OR4F17: variants seen among roughly 807,000 people sequenced by gnomAD.
OR4F17 encodes the protein olfactory receptor family 4 subfamily F member 17, also known as olfactory receptor 4F17.
For synonymous variants in OR4F17, 1 was observed against 120.7 expected, an observed-to-expected ratio of 0.01 and a Z score of 6.50; for missense variants, 1 against 323.6, an observed-to-expected ratio of 0.00 and a Z score of 7.65.
In OR4F17 at chr19:108,162, A is replaced by G. The variant is rs1478615899; in HGVS notation, c.-55+607A>G. ...ACATATATTATTATATAAAATATGT[A>G]TAATATATATTATATAAATATATTT... is the stretch of plus-strand genomic sequence containing the variant. On this transcript the variant is annotated intron_variant, in intron 2 of 2. Coordinates refer to ENST00000585993, the MANE Select transcript of OR4F17 (RefSeq NM_001005240.3). Among the ~76,000 whole-genome samples, 220 of 80,060 alleles carry G rather than the reference A, an allele frequency of 2.7e-3. 1 individual carries two copies. The highest frequency in any genetic ancestry group is 8.2e-3 in the African/African-American group (198 of 24,152). 52.5% of individuals were successfully genotyped at this position (80,060 alleles called of 152,430 possible). A position where few individuals can be genotyped will look rare whatever the true frequency, so the allele number is the denominator to read the frequency against.
intron 2 of OR4F17, among the ~76,000 whole-genome samples, chr19:109,027 C>A (rs1407568478): frequency 2.0e-5 from 3 of 151,174 alleles, no homozygotes; most frequent in Admixed American, 6.6e-5. Flanking sequence ...CTTTAAAAAA[C>A]AGCAAAAATC....
chr19:108,055 A>AT (rs11384288), intron 2 of OR4F17, among the ~76,000 whole-genome samples: 1 of 108,504 alleles, frequency 9.2e-6, no homozygotes, highest in Non-Finnish European at 1.8e-5. Context: ...ATTTTATTAT[A>AT]AAATATATAT....
chr19:107,756 A>T (rs1968630322), intron 2 of OR4F17, among the ~76,000 whole-genome samples: 1 of 131,470 alleles, frequency 7.6e-6, no homozygotes, highest in African/African-American at 2.9e-5. Flanking sequence ...ATATATATAT[A>T]TATTATATAT....
At chr19:107,981 A>G (rs1301568545) in intron 2 of OR4F17, among the ~76,000 whole-genome samples, 1 of 62,344 alleles carries the variant, frequency 1.6e-5, no homozygotes, top group Non-Finnish European at 2.8e-5. Flanking sequence ...TATATTATAT[A>G]TTATAGAATA....
chr19:109,710 C>A (rs1301418828), intron 2 of OR4F17, among the ~76,000 whole-genome samples: 150 of 137,100 alleles, frequency 1.1e-3, no homozygotes, highest in African/African-American at 3.7e-3. Context: ...CAGATGTGGC[C>A]GTAAGACTGA....
chr19:109,861 C>A (rs1489311481), intron 2 of OR4F17, among the ~76,000 whole-genome samples: 3 of 152,102 alleles, frequency 2.0e-5, no homozygotes, highest in Admixed American at 1.3e-4. Flanking sequence ...TCTTCATTCA[C>A]CCCTTTCCTG....
At chr19:109,569 T>G (rs1968679084) in intron 2 of OR4F17, among the ~76,000 whole-genome samples, 1 of 124,566 alleles carries the variant, frequency 8.0e-6, no homozygotes, top group African/African-American at 2.9e-5. Context: ...CCAAAAAATA[T>G]TTTGTTATCA....
Position 111,044 on chromosome 19 carries a change from C to CCTACA in OR4F17, c.377_381dup (p.Ile128LeufsTer25), listed in dbSNP as rs1709347479. 8.3e-7 allele frequency: 1 copy of CCTACA among 1,210,522 alleles called. No homozygotes were observed. The highest frequency in any genetic ancestry group is 1.9e-5 in the Admixed American group (1 of 51,648). 75.0% of individuals were successfully genotyped at this position (1,210,522 alleles called of 1,614,324 possible). ...ACAGATATATAGCAATATGCAAACC[C>CCTACA]CTACACTACACTACAATTATGTGTG... On this transcript the variant is annotated frameshift_variant, in exon 3 of 3. Coordinates refer to ENST00000585993, the MANE Select transcript of OR4F17 (RefSeq NM_001005240.3). LOFTEE classifies it high-confidence loss of function.
intron 2 of OR4F17, among the ~76,000 whole-genome samples, chr19:109,999 T>A (rs1182060781): frequency 1.4e-4 from 21 of 149,414 alleles, no homozygotes; most frequent in Middle Eastern, 3.4e-3. Context: ...TCATTCAAAA[T>A]TTTTCAGTAG....
chr19:108,081 ATATTT>A lies in OR4F17; in HGVS notation c.-55+531_-55+535del, dbSNP rs1424755860. Reference sequence around the variant, plus strand: ...AAATATATATTATAGAATATAATATATATTTTATTATATAATATATATTATAGAAT... The same window carrying A: ...AAATATATATTATAGAATATAATATATATTATATAATATATATTATAGAAT... On this transcript the variant is annotated intron_variant, in intron 2 of 2. Coordinates refer to ENST00000585993, the MANE Select transcript of OR4F17 (RefSeq NM_001005240.3). Among the ~76,000 whole-genome samples the A allele has an allele frequency of 2.9e-3, 349 of 121,962 alleles. 8 individuals are homozygous for A. In the East Asian group the frequency reaches 0.03, roughly 10 times the overall value. 80.0% of individuals were successfully genotyped at this position (121,962 alleles called of 152,430 possible). A position where few individuals can be genotyped will look rare whatever the true frequency, so the allele number is the denominator to read the frequency against.
chr19:108,948 A>G (rs2145136919), intron 2 of OR4F17, among the ~76,000 whole-genome samples: 1 of 151,828 alleles, frequency 6.6e-6, no homozygotes, highest in East Asian at 2.0e-4. Context: ...TTGAGTGTGT[A>G]GGACTAAGAA....
chr19:108,959 A>G (rs1317101371), intron 2 of OR4F17, among the ~76,000 whole-genome samples: 2 of 151,698 alleles, frequency 1.3e-5, no homozygotes, highest in East Asian at 2.0e-4. Context: ...GGACTAAGAA[A>G]TGGGATTCAG....
intron 2 of OR4F17, among the ~76,000 whole-genome samples, chr19:107,878 A>G (rs1411940039): frequency 2.0e-5 from 1 of 49,670 alleles, no homozygotes; most frequent in African/African-American, 9.5e-5. Context: ...ATTATATAAT[A>G]TAATATATAT....
chr19:108,792 G>T (rs1343264034), intron 2 of OR4F17, among the ~76,000 whole-genome samples: 2 of 152,168 alleles, frequency 1.3e-5, no homozygotes, highest in Non-Finnish European at 2.9e-5. Flanking sequence ...TCAATGATTA[G>T]TATGATTATA....
chr19:109,036 T>A (rs1401453879), intron 2 of OR4F17, among the ~76,000 whole-genome samples: 1,784 of 133,142 alleles, frequency 0.013, no homozygotes, highest in South Asian at 0.044. Context: ...ACAGCAAAAA[T>A]CAAATAACAG....
chr19:108,768 TATC>T (rs1305810612), intron 2 of OR4F17, among the ~76,000 whole-genome samples: 3 of 152,154 alleles, frequency 2.0e-5, no homozygotes, highest in Non-Finnish European at 4.4e-5. Context: ...ATAAAAATCC[TATC>T]ATTTGTACTG....
chr19:110,453 T>C (rs1968693179), intron 2 of OR4F17, among the ~76,000 whole-genome samples, 172 bp from the exon 3 acceptor site: 1 of 152,304 alleles, frequency 6.6e-6, no homozygotes, highest in Non-Finnish European at 1.5e-5. Context: ...AACTGAATTA[T>C]AAGGCATAGC....
At chr19:108,303 A>G (rs1162480218) in intron 2 of OR4F17, among the ~76,000 whole-genome samples, 2 of 150,238 alleles carry the variant, frequency 1.3e-5, no homozygotes, top group Non-Finnish European at 3.0e-5. Flanking sequence ...GGTTGCTACA[A>G]TGAGTGTGTA....
At chr19:108,056 A>ATATATATTTTATTATAT (rs1968648685) in intron 2 of OR4F17, among the ~76,000 whole-genome samples, 1 of 85,662 alleles carries the variant, frequency 1.2e-5, no homozygotes, top group African/African-American at 4.6e-5. Context: ...TTTTATTATA[A>ATATATATTTTATTATAT]AATATATATT....
Sources: allele counts gnomAD v4.1 joint callset (sites outside exome capture counted in the v4.1 genomes callset), GRCh38; gene constraint gnomAD v4.1.1; transcripts MANE v1.5; gene names NCBI Gene and HGNC (gene_info 2026-07-23, HGNC 2026-07-21).